The following DSCAML1 variants were observed in gnomAD, a reference collection of about 807,000 sequenced individuals.
The protein encoded by DSCAML1 is cell adhesion molecule DSCAML1.
A neutral mutation model predicts 200.5 loss-of-function variants in DSCAML1; 38 were observed. That is an observed-to-expected ratio of 0.19 (90% confidence interval 0.15 to 0.25). The LOEUF is 0.25. Ranked by LOEUF, DSCAML1 falls within the 10% of genes least tolerant of loss-of-function variation. The probability of loss-of-function intolerance (pLI) is 1.00; values close to 1 mark genes in which losing one functional copy is unlikely to be tolerated. For missense variants in DSCAML1, 2,223 were observed against 2,858.8 expected (o/e 0.78, Z 5.07); for synonymous variants, 1,215 against 1,165.0 (o/e 1.04, Z -0.87).
chr11:117,792,039 G>T (rs2055476084), intron 1 of DSCAML1, among the ~76,000 whole-genome samples: 1 of 152,210 alleles, frequency 6.6e-6, no homozygotes, highest in African/African-American at 2.4e-5. Context: ...TACCACACCA[G>T]TGGGTTGCAA....
intron 3 of DSCAML1, among the ~76,000 whole-genome samples, chr11:117,586,959 G>A (rs2051156286): frequency 6.6e-6 from 1 of 152,158 alleles, no homozygotes; most frequent in Admixed American, 6.5e-5. Context: ...GGCCCCCCAG[G>A]ATGCTCCTCC....
chr11:117,460,886 G>T (rs1437719340), intron 18 of DSCAML1, among the ~76,000 whole-genome samples: 1 of 152,040 alleles, frequency 6.6e-6, no homozygotes, highest in Non-Finnish European at 1.5e-5. Context: ...CTGGGTTCTG[G>T]TAGCCCTGCT....
chr11:117,443,824 A>G (rs1225348634), intron 21 of DSCAML1, 62 bp downstream of exon 21: 2 of 1,519,334 alleles, frequency 1.3e-6, no homozygotes, highest in Non-Finnish European at 1.8e-6. Context: ...GGGGAGAACC[A>G]GGATTCTGTA....
rs2137702562 is a variant in DSCAML1 at position 117,684,630 on chromosome 11, C to G, written c.511+92161G>C. 2.0e-5 allele frequency among the ~76,000 whole-genome samples: 3 copies of G among 152,138 alleles called. No homozygotes were observed. In the East Asian group the frequency reaches 5.8e-4, roughly 29 times the overall value. On this transcript the variant is annotated intron_variant, in intron 3 of 32. Transcript: ENST00000651296. ...AGACAGATATGGATGGAGGTGGCCC[C>G]TCCTGTCTTTGTGCTAGTTCTTCTG...
At chr11:117,517,767 C>A (rs1334425160) in intron 7 of DSCAML1, among the ~76,000 whole-genome samples, 3 of 152,200 alleles carry the variant, frequency 2.0e-5, no homozygotes, top group Non-Finnish European at 4.4e-5. Context: ...ACCAGTCAGA[C>A]CCCATCGGGC....
At chr11:117,573,474 C>T (rs2137441699) in intron 3 of DSCAML1, among the ~76,000 whole-genome samples, 1 of 152,330 alleles carries the variant, frequency 6.6e-6, no homozygotes, top group East Asian at 1.9e-4. Flanking sequence ...CACTCTGCCC[C>T]AGGCCTAGCC....
chr11:117,687,349 C>A (rs2053417546), intron 3 of DSCAML1, among the ~76,000 whole-genome samples: 1 of 151,856 alleles, frequency 6.6e-6, no homozygotes, highest in Non-Finnish European at 1.5e-5. Context: ...CAGCTTCGAA[C>A]TCCTGAGCTC....
chr11:117,705,347 T>A (rs2053741415), intron 3 of DSCAML1, among the ~76,000 whole-genome samples: 1 of 152,236 alleles, frequency 6.6e-6, no homozygotes, highest in Non-Finnish European at 1.5e-5. Context: ...GTTGTTTTTC[T>A]TTTAAGTTAA....
At chr11:117,701,292 A>AATAT (rs2053663007) in intron 3 of DSCAML1, among the ~76,000 whole-genome samples, 1 of 151,960 alleles carries the variant, frequency 6.6e-6, no homozygotes, top group South Asian at 2.1e-4. Context: ...TAAATAAATA[A>AATAT]ATAAGGCAAA....
chr11:117,519,329 T>A (rs980775465), intron 6 of DSCAML1, among the ~76,000 whole-genome samples: 1 of 152,178 alleles, frequency 6.6e-6, no homozygotes, highest in Admixed American at 6.5e-5. Context: ...GCCTTAAGTC[T>A]GAGGCTGAAA....
intron 3 of DSCAML1, among the ~76,000 whole-genome samples, chr11:117,547,938 A>G (rs1326392169): frequency 6.6e-6 from 1 of 152,064 alleles, no homozygotes; most frequent in Non-Finnish European, 1.5e-5. Context: ...CCCAGGGTTC[A>G]TCCTGACCCA....
At chr11:117,483,843 T>A (rs540919632) in intron 11 of DSCAML1, among the ~76,000 whole-genome samples, 1 of 151,890 alleles carries the variant, frequency 6.6e-6, no homozygotes, top group East Asian at 1.9e-4. Flanking sequence ...CATCCTGGAG[T>A]ATATAAATGG....
chr11:117,764,477 T>C (rs1054754880), intron 3 of DSCAML1, among the ~76,000 whole-genome samples: 3 of 152,224 alleles, frequency 2.0e-5, no homozygotes, highest in Non-Finnish European at 4.4e-5. Context: ...TGGGAATCAC[T>C]GTCTACATAA....
At chr11:117,563,966 C>A (rs2050708305) in intron 3 of DSCAML1, among the ~76,000 whole-genome samples, 1 of 152,126 alleles carries the variant, frequency 6.6e-6, no homozygotes. Context: ...AAAGCCTGAG[C>A]AAGGAGAGGT....
intron 3 of DSCAML1, among the ~76,000 whole-genome samples, chr11:117,630,658 CAAAAAAA>C (rs56741831): frequency 8.8e-5 from 4 of 45,558 alleles, no homozygotes; most frequent in Non-Finnish European, 1.2e-4. Flanking sequence ...ATAAAGTGGC[CAAAAAAA>C]AAAAAAAAAA....
intron 3 of DSCAML1, among the ~76,000 whole-genome samples, chr11:117,702,623 T>C (rs2053690967): frequency 6.6e-6 from 1 of 152,118 alleles, no homozygotes; most frequent in Non-Finnish European, 1.5e-5. Flanking sequence ...GCCTGGCGCA[T>C]AGTAGGTATT....
chr11:117,816,292 C>T (rs943674444), intron 1 of DSCAML1, among the ~76,000 whole-genome samples: 2 of 152,150 alleles, frequency 1.3e-5, no homozygotes, highest in Non-Finnish European at 1.5e-5. Flanking sequence ...CCCAATGTCC[C>T]GGAAGGAGGC....
At position 117,537,750 on chromosome 11, in the gene DSCAML1, G is replaced by A. The variant is rs74653077; in HGVS notation, c.512-5228C>T. ...CCCAGGGAAAGTGCTGTGCAGAGGC[G>A]GAAGCAGAGGCAGGAGGATGCACGT... On this transcript the variant is annotated intron_variant, in intron 3 of 32. Coordinates refer to ENST00000651296, the MANE Select transcript of DSCAML1 (RefSeq NM_020693.4). 1.8e-3 allele frequency among the ~76,000 whole-genome samples: 271 copies of A among 152,320 alleles called. 2 individuals carry two copies. Among genetic ancestry groups the A allele is most frequent in the African/African-American group, 6.3e-3 (262 of 41,562 alleles).
At position 117,438,958 on chromosome 11, in the gene DSCAML1, A is replaced by G; in HGVS notation, c.4170T>C (p.Thr1390=). 1 of 1,609,120 alleles carries G rather than the reference A, an allele frequency of 6.2e-7. No homozygotes were observed. Among genetic ancestry groups the G allele is most frequent in the East Asian group, 2.2e-5 (1 of 44,624 alleles). The change falls in exon 24 of 33, where the codon ACT becomes ACC. Residue 1390 remains threonine, a synonymous_variant. Coordinates refer to ENST00000651296, the MANE Select transcript of DSCAML1 (RefSeq NM_020693.4). Reference sequence around the variant, plus strand: ...TGGACGAAGCTGAGGTTTTGGAGACAGTGAGGCGGGGCTGGTCCGGGGGAA... The same window carrying G: ...TGGACGAAGCTGAGGTTTTGGAGACGGTGAGGCGGGGCTGGTCCGGGGGAA... ...VQVPPDQPRL[T]VSKTSASSIT...
Sources: allele counts gnomAD v4.1 joint callset (sites outside exome capture counted in the v4.1 genomes callset), GRCh38; gene constraint gnomAD v4.1.1; transcripts MANE v1.5; gene names NCBI Gene and HGNC (gene_info 2026-07-23, HGNC 2026-07-21).